RBM20: variants seen among roughly 807,000 people sequenced by gnomAD.
RBM20 encodes the protein RNA-binding protein 20.
Under a neutral mutation model 110.1 loss-of-function variants are expected in RBM20, and 51 were observed. The ratio of observed to expected loss-of-function variants is 0.46; its 90% CI spans 0.37 to 0.59. The LOEUF is 0.59. Ranked by LOEUF, RBM20 falls within the 20% of genes least tolerant of loss-of-function variation. The pLI is 0.00. For synonymous variants in RBM20, 589 were observed against 618.2 expected, an observed-to-expected ratio of 0.95 and a Z score of 0.70; for missense variants, 1,512 against 1,574.9, an observed-to-expected ratio of 0.96 and a Z score of 0.68.
chr10:110,667,540 G>A (rs185626367), intron 1 of RBM20, among the ~76,000 whole-genome samples: 24 of 152,328 alleles, frequency 1.6e-4, no homozygotes, highest in African/African-American at 3.8e-4. Context: ...TGCCAGCTTT[G>A]AGATTGGAAG....
At chr10:110,761,532 G>T (rs1347429316) in intron 1 of RBM20, among the ~76,000 whole-genome samples, 1 of 152,246 alleles carries the variant, frequency 6.6e-6, no homozygotes, top group Non-Finnish European at 1.5e-5. Context: ...CTCAGTAACG[G>T]TTGAAGGTCA....
At chr10:110,698,756 A>C (rs771048238) in intron 1 of RBM20, among the ~76,000 whole-genome samples, 7 of 152,206 alleles carry the variant, frequency 4.6e-5, no homozygotes, top group Non-Finnish European at 4.4e-5. Context: ...TGCTAAAGGC[A>C]ACTCAATTGC....
At chr10:110,770,003 G>A (rs564138922) in intron 1 of RBM20, among the ~76,000 whole-genome samples, 3 of 152,260 alleles carry the variant, frequency 2.0e-5, no homozygotes, top group South Asian at 4.2e-4. Context: ...ACAGGTGTGA[G>A]GCCACTACCC....
intron 5 of RBM20, among the ~76,000 whole-genome samples, chr10:110,785,879 TGA>T (rs1844413213): frequency 1.3e-5 from 2 of 152,318 alleles, no homozygotes; most frequent in South Asian, 4.1e-4. Context: ...TTATTTCCTA[TGA>T]GAGGGTAATT....
intron 1 of RBM20, among the ~76,000 whole-genome samples, chr10:110,748,852 A>G (rs2134981846): frequency 6.6e-6 from 1 of 152,332 alleles, no homozygotes; most frequent in East Asian, 1.9e-4. Context: ...AAAGGAGACC[A>G]TGTGCCCATT....
At chr10:110,805,713 AGTG>A in intron 7 of RBM20, among the ~76,000 whole-genome samples, 1 of 152,238 alleles carries the variant, frequency 6.6e-6, no homozygotes, top group East Asian at 1.9e-4. Flanking sequence ...TGAGATTCCT[AGTG>A]GTGGTGCCTC....
chr10:110,801,421 C>T (rs1475558103), intron 7 of RBM20, among the ~76,000 whole-genome samples: 5 of 143,788 alleles, frequency 3.5e-5, no homozygotes, highest in Non-Finnish European at 7.6e-5. Context: ...AAGTGAAACT[C>T]CGTCTCAAAA....
intron 10 of RBM20, 83 bp downstream of exon 10, chr10:110,820,259 G>T (rs914671795): frequency 1.9e-5 from 17 of 897,874 alleles, no homozygotes; most frequent in Non-Finnish European, 2.8e-5. Context: ...ATGTCCTGCT[G>T]GATGGAATAT....
chr10:110,669,165 A>C (rs1182059585), intron 1 of RBM20, among the ~76,000 whole-genome samples: 1 of 152,248 alleles, frequency 6.6e-6, no homozygotes, highest in East Asian at 1.9e-4. Flanking sequence ...CAGAAGATTA[A>C]TTTAAAATAC....
At chr10:110,767,567 TCAGACGGGGCGGTTGC>T (rs1762303018) in intron 1 of RBM20, among the ~76,000 whole-genome samples, 1 of 144,720 alleles carries the variant, frequency 6.9e-6, no homozygotes, top group Non-Finnish European at 1.5e-5. Context: ...TCCTCACTTC[TCAGACGGGGCGGTTGC>T]CAGACGGAGG....
At chr10:110,673,310 C>T (rs1353737339) in intron 1 of RBM20, among the ~76,000 whole-genome samples, 3 of 151,984 alleles carry the variant, frequency 2.0e-5, no homozygotes, top group African/African-American at 4.8e-5. Flanking sequence ...TTCTTGGGTT[C>T]GAGCAATTCT....
intron 1 of RBM20, among the ~76,000 whole-genome samples, chr10:110,712,359 A>T (rs376636427): frequency 1.3e-5 from 2 of 152,216 alleles, no homozygotes; most frequent in Non-Finnish European, 2.9e-5. Context: ...GTGAACAGAG[A>T]TGATTCTTTT....
At chr10:110,675,085 T>G (rs1031899295) in intron 1 of RBM20, among the ~76,000 whole-genome samples, 3 of 33,082 alleles carry the variant, frequency 9.1e-5, no homozygotes, top group Non-Finnish European at 6.4e-4. Context: ...CTGCAATTTG[T>G]CTGGAAGAAG....
At chr10:110,785,111 T>G (rs1044734730) in intron 5 of RBM20, among the ~76,000 whole-genome samples, 1 of 152,150 alleles carries the variant, frequency 6.6e-6, no homozygotes, top group African/African-American at 2.4e-5. Context: ...TGAGCCACCA[T>G]GCCCTGCCTC....
intron 1 of RBM20, among the ~76,000 whole-genome samples, chr10:110,750,920 GA>G (rs1469256450): frequency 6.6e-6 from 1 of 152,186 alleles, no homozygotes; most frequent in East Asian, 1.9e-4. Flanking sequence ...CTGGTAATTT[GA>G]AAATGGGAGT....
chr10:110,698,159 C>T (rs974429276), intron 1 of RBM20, among the ~76,000 whole-genome samples: 43 of 152,154 alleles, frequency 2.8e-4, no homozygotes, highest in African/African-American at 6.5e-4. Context: ...CCGCCCACCT[C>T]GGCCTCCCAA....
chr10:110,780,914 G>A lies in RBM20; in HGVS notation c.305G>A (p.Arg102Gln), dbSNP rs886046699. Reference sequence around the variant, plus strand: ...CTGCAGGCCCAGCTCACCCTCCACCGGCTGAAGCTGGCACAGACAGCTGTC... The same window carrying A: ...CTGCAGGCCCAGCTCACCCTCCACCAGCTGAAGCTGGCACAGACAGCTGTC... ...AQLQAQLTLH[R>Q]LKLAQTAVTN... Residue 102 changes from arginine to glutamine, a missense_variant, in exon 2 of 14, where the codon CGG (arginine) becomes CAG (glutamine). By Grantham distance (43) the Arg-to-Gln change is conservative. Around this residue, in one of 3 missense-constraint regions of RBM20, gnomAD observed 1,149 missense variants for 1,169.4 expected, o/e 0.98. Coordinates refer to ENST00000369519, the MANE Select transcript of RBM20 (RefSeq NM_001134363.3). 4.6e-5 allele frequency: 72 copies of A among 1,551,496 alleles called. No homozygotes were observed. The East Asian group carries it at 5.4e-4, about 12-fold the overall frequency.
chr10:110,645,013 G>C (rs1483984691), intron 1 of RBM20, among the ~76,000 whole-genome samples: 5 of 152,072 alleles, frequency 3.3e-5, no homozygotes, highest in African/African-American at 1.2e-4. Flanking sequence ...GAGTGTGTGC[G>C]CGCGCGTGAG....
At chr10:110,821,066 T>C (rs1844902071) in intron 10 of RBM20, among the ~76,000 whole-genome samples, 1 of 152,226 alleles carries the variant, frequency 6.6e-6, no homozygotes, top group Non-Finnish European at 1.5e-5. Flanking sequence ...TATGGTGGAT[T>C]AAGCATTAAG....
Sources: allele counts gnomAD v4.1 joint callset (sites outside exome capture counted in the v4.1 genomes callset), GRCh38; gene constraint gnomAD v4.1.1; regional missense constraint gnomAD v4.1.1; transcripts MANE v1.5; gene names NCBI Gene and HGNC (gene_info 2026-07-23, HGNC 2026-07-21).